The following PAX2 variants were observed in gnomAD, a reference collection of about 807,000 sequenced individuals.
PAX2 encodes paired box protein Pax-2.
A neutral mutation model predicts 41.7 loss-of-function variants in PAX2; 9 were observed. That is an observed-to-expected ratio of 0.22 (90% CI 0.13 to 0.38). The LOEUF (loss-of-function observed/expected upper bound fraction) is 0.38, where lower values mean the gene tolerates loss of function less well. Ranked by LOEUF, PAX2 falls within the 10% of genes least tolerant of loss-of-function variation. The pLI is 1.00. For missense variants in PAX2, 418 were observed against 531.6 expected (o/e 0.79, Z 2.10); for synonymous variants, 221 against 212.7 (o/e 1.04, Z -0.34).
At chr10:100,789,714 C>T (rs780656662) in intron 5 of PAX2, among the ~76,000 whole-genome samples, 1 of 152,138 alleles carries the variant, frequency 6.6e-6, no homozygotes, top group Admixed American at 6.5e-5. Flanking sequence ...AAAAAAAACT[C>T]ATTTATGAAC....
intron 6 of PAX2, among the ~76,000 whole-genome samples, chr10:100,808,886 C>A (rs1847891779): frequency 6.6e-6 from 1 of 152,158 alleles, no homozygotes; most frequent in African/African-American, 2.4e-5. Flanking sequence ...CATTAAGTGC[C>A]CAAAATGTGT....
intron 1 of PAX2, chr10:100,747,250 A>G (rs983299280): frequency 6.6e-6 from 1 of 152,284 alleles, no homozygotes; most frequent in Non-Finnish European, 1.5e-5. Flanking sequence ...AGCAAAGAGC[A>G]AAAAATGAGG....
At position 100,806,492 on chromosome 10, in the gene PAX2, C is replaced by G. The variant is rs766257657; in HGVS notation, c.679C>G (p.His227Asp). The G allele has an allele frequency of 1.2e-6, 2 of 1,614,128 alleles. No homozygotes were observed. The highest frequency in any genetic ancestry group is 1.7e-6 in the Non-Finnish European group (2 of 1,180,046). Residue 227 changes from histidine to aspartate, a missense_variant, in exon 6 of 10, where the codon CAC (histidine) becomes GAC (aspartate). His to Asp is a moderately conservative substitution (Grantham distance 81, BLOSUM62 -1). Transcript: ENST00000355243. ...SQSGVDSLRK[H>D]LRADTFTQQQ... is the part of the protein sequence containing the mutation. ...GAGTGGTGTGGACAGTTTGCGGAAG[C>G]ACTTGCGAGCTGACACCTTCACCCA...
intron 3 of PAX2, among the ~76,000 whole-genome samples, chr10:100,762,221 A>G (rs957646226): frequency 5.9e-5 from 9 of 151,680 alleles, no homozygotes; most frequent in Admixed American, 1.3e-4. Context: ...AAACAAAACT[A>G]AGTGGCCATC....
chr10:100,776,665 G>A (rs866535863), intron 3 of PAX2, among the ~76,000 whole-genome samples: 1 of 152,038 alleles, frequency 6.6e-6, no homozygotes, highest in Non-Finnish European at 1.5e-5. Context: ...GCCCCTGGAC[G>A]CTCCTCTTTC....
intron 3 of PAX2, among the ~76,000 whole-genome samples, chr10:100,775,471 A>G (rs1328478772): frequency 1.3e-5 from 2 of 152,132 alleles, no homozygotes; most frequent in East Asian, 3.9e-4. Flanking sequence ...ATGGACACCA[A>G]GAGCATTAGT....
chr10:100,793,050 C>T (rs898999904), intron 5 of PAX2, among the ~76,000 whole-genome samples: 2 of 152,158 alleles, frequency 1.3e-5, no homozygotes, highest in Non-Finnish European at 2.9e-5. Flanking sequence ...TAATTTTTCG[C>T]CTTGCTTGTG....
At position 100,781,464 on chromosome 10, in the gene PAX2, G is replaced by A. The variant is rs1047230857; in HGVS notation, c.616+99G>A. On this transcript the variant is annotated intron_variant, in intron 5 of 9. Transcript: ENST00000355243. ...TGGCCTCGCAGCTGCTCTGCTGTGA[G>A]ATCAATTTTAGTAGCAAAGCCCAGG... 4.6e-6 allele frequency: 6 copies of A among 1,302,216 alleles called. No individual in the cohort carries two copies. In the African/African-American group the frequency reaches 5.8e-5, roughly 13 times the overall value. The allele number at this position is 1,302,216 out of a possible 1,614,324, so 80.7% of individuals were successfully genotyped here.
intron 7 of PAX2, among the ~76,000 whole-genome samples, chr10:100,817,933 C>T (rs1256255667): frequency 2.0e-5 from 3 of 152,166 alleles, no homozygotes; most frequent in Non-Finnish European, 4.4e-5. Flanking sequence ...ATAAGGTGCT[C>T]GTAATTGTTA....
Position 100,809,257 on chromosome 10 carries a change from GT to G in PAX2, c.919+22del, listed in dbSNP as rs1201306246. The stretch of plus-strand genomic sequence containing the variant: ...GACTGGTAAGGGGGCTTCCAGGAGG[GT>G]GGGGGCACTGCGTTCAGTGGAGGGT... On this transcript the variant is annotated intron_variant, in intron 7 of 9. Coordinates refer to ENST00000355243, the MANE Select transcript of PAX2 (RefSeq NM_000278.5). The G allele has an allele frequency of 3.1e-6, 5 of 1,610,942 alleles. No individual in the cohort carries two copies. In the African/African-American group the frequency reaches 6.7e-5, roughly 22 times the overall value.
At chr10:100,793,113 G>A (rs957769802) in intron 5 of PAX2, among the ~76,000 whole-genome samples, 3 of 152,166 alleles carry the variant, frequency 2.0e-5, no homozygotes, top group Non-Finnish European at 2.9e-5. Flanking sequence ...ATTTCTAACT[G>A]GTTCTGGCCC....
At chr10:100,780,299 C>A (rs1589846799) in intron 4 of PAX2, among the ~76,000 whole-genome samples, 2 of 152,324 alleles carry the variant, frequency 1.3e-5, no homozygotes, top group Non-Finnish European at 2.9e-5. Context: ...AACACTCCTC[C>A]TCTGTCCCCA....
chr10:100,827,840 C>T lies in PAX2; in HGVS notation c.*221C>T. Reference sequence around the variant, plus strand: ...CGTGGGCGGGACCCTCAGGCCCGGGCCCGCCGCCCCCAGCCCCGCCTGCCG... The same window carrying T: ...CGTGGGCGGGACCCTCAGGCCCGGGTCCGCCGCCCCCAGCCCCGCCTGCCG... On this transcript the variant is annotated 3_prime_UTR_variant, in exon 10 of 10. Coordinates refer to ENST00000355243, the MANE Select transcript of PAX2 (RefSeq NM_000278.5). The surrounding 1 kb of genome is among the most constrained non-coding windows in gnomAD (Gnocchi z 8.5). 1.6e-6 allele frequency: 1 copy of T among 637,520 alleles called. No homozygotes were observed. The highest frequency in any genetic ancestry group is 1.9e-5 in the African/African-American group (1 of 53,002). The allele number at this position is 637,520 out of a possible 1,614,324, so 39.5% of individuals were successfully genotyped here.
chr10:100,826,300 A>T lies in PAX2; in HGVS notation c.1022-709A>T, dbSNP rs1467886898. 1.3e-5 allele frequency among the ~76,000 whole-genome samples: 2 copies of T among 150,084 alleles called. No individual in the cohort carries two copies. Among genetic ancestry groups the T allele is most frequent in the Middle Eastern group, 3.2e-3 (1 of 308 alleles). ...ACTGTAAACAGTCTGGGGTCATCAC[A>T]CAGGAGAAAGGGCGAGGGGGAAACC... On this transcript the variant is annotated intron_variant, in intron 8 of 9. Coordinates refer to ENST00000355243, the MANE Select transcript of PAX2 (RefSeq NM_000278.5). This position sits in a 1 kb window ranked among gnomAD's most constrained non-coding sequence, Gnocchi z 5.5.
chr10:100,819,570 T>TAATAAA (rs955203500), intron 7 of PAX2, among the ~76,000 whole-genome samples: 6 of 152,030 alleles, frequency 3.9e-5, no homozygotes, highest in East Asian at 3.9e-4. Context: ...GACTCCGTCT[T>TAATAAA]AATAAAAATA....
intron 5 of PAX2, among the ~76,000 whole-genome samples, chr10:100,798,248 C>G (rs891149701): frequency 4.6e-5 from 7 of 151,650 alleles, no homozygotes; most frequent in African/African-American, 1.7e-4. Flanking sequence ...CCCAAGTAGC[C>G]TGGACCACAG....
At chr10:100,793,192 C>T (rs1402216988) in intron 5 of PAX2, among the ~76,000 whole-genome samples, 2 of 152,216 alleles carry the variant, frequency 1.3e-5, no homozygotes, top group Admixed American at 6.5e-5. Context: ...CCAGAGAAGG[C>T]TGGGAAAGGG....
At chr10:100,743,786 G>A (rs768560606), upstream of PAX2, among the ~76,000 whole-genome samples, 6 of 152,258 alleles carry the variant, frequency 3.9e-5, no homozygotes, top group Non-Finnish European at 7.3e-5. Flanking sequence ...GCCTCAAGAG[G>A]AAGAGACTGA....
At position 100,806,471 on chromosome 10, in the gene PAX2, G is replaced by A; in HGVS notation, c.658G>A (p.Gly220Ser). 1 of 1,614,228 alleles carries A rather than the reference G, an allele frequency of 6.2e-7. No individual in the cohort carries two copies. The highest frequency in any genetic ancestry group is 8.5e-7 in the Non-Finnish European group (1 of 1,180,040). The change falls in exon 6 of 10, where the codon GGT becomes AGT. Residue 220 changes from glycine (G) to serine (S), a missense_variant. By Grantham distance (56) the Gly-to-Ser change is moderately conservative. This residue lies in a region of PAX2 where 310 missense variants were observed against 325.2 expected (regional missense o/e 0.95). Transcript: ENST00000355243. The part of the protein sequence containing the change: ...GSVPNGDSQS[G>S]VDSLRKHLRA... Reference sequence around the variant, plus strand: ...AGTCCCCAATGGAGATTCCCAGAGTGGTGTGGACAGTTTGCGGAAGCACTT... The same window carrying A: ...AGTCCCCAATGGAGATTCCCAGAGTAGTGTGGACAGTTTGCGGAAGCACTT...
Sources: gnomAD v4.1 joint callset for allele counts (sites outside exome capture counted in the v4.1 genomes callset) on GRCh38, gnomAD v4.1.1 for gene constraint, gnomAD v4.1.1 regional missense constraint, Gnocchi (gnomAD v3.1) non-coding constraint, MANE v1.5 for transcripts, NCBI Gene and HGNC (gene_info 2026-07-23, HGNC 2026-07-21) for gene names.